The following ADGRD1 variants were observed in gnomAD, a reference collection of about 807,000 sequenced individuals.
ADGRD1 encodes adhesion G protein-coupled receptor D1.
In ADGRD1, 77 loss-of-function variants were observed where a neutral mutation model predicts 113.4. That is an observed-to-expected ratio of 0.68 (90% CI 0.57 to 0.82). The LOEUF is 0.82. Among genes scored for constraint, ADGRD1 ranks in the 40% least tolerant of loss-of-function variants. The probability of loss-of-function intolerance (pLI) is 0.00; values close to 1 mark genes in which losing one functional copy is unlikely to be tolerated. For missense variants in ADGRD1, 1,036 were observed against 1,139.1 expected (o/e 0.91, Z 1.30); for synonymous variants, 474 against 475.0 (o/e 1.00, Z 0.03).
At chr12:131,071,706 A>T (rs970116784) in intron 13 of ADGRD1, among the ~76,000 whole-genome samples, 1 of 152,136 alleles carries the variant, frequency 6.6e-6, no homozygotes, top group Non-Finnish European at 1.5e-5. Flanking sequence ...GGAAGGAGAG[A>T]GTGGAGACCC....
rs1026820467 is a variant in ADGRD1, at chr12:131,075,131, C to T, written c.1474-1670C>T. Among the ~76,000 whole-genome samples the T allele has an allele frequency of 3.3e-5, 5 of 152,092 alleles. No individual in the cohort carries two copies. The highest frequency in any genetic ancestry group is 5.9e-5 in the Non-Finnish European group (4 of 68,032). On this transcript the variant is annotated intron_variant, in intron 13 of 24. Transcript: ENST00000261654. This position sits in a 1 kb window ranked among gnomAD's most constrained non-coding sequence, Gnocchi z 5.3. ...CTGGCTGCTGGCTTCCCCAGGTCAC[C>T]GACTTATTTTTTAAATTTCCTTTAA...
intron 20 of ADGRD1, among the ~76,000 whole-genome samples, chr12:131,127,622 C>G (rs113669150): frequency 7.9e-6 from 1 of 126,234 alleles, no homozygotes; most frequent in Non-Finnish European, 1.7e-5. Flanking sequence ...GTGATGGGAC[C>G]CTGAGCTCAG....
Position 131,104,600 on chromosome 12 carries a change from GTTCTGTAGGGCACC to G in ADGRD1, c.1672-229_1672-216del, listed in dbSNP as rs1328027882. ...AGACTGTGGCTGAGGGAGCCTCAGT[GTTCTGTAGGGCACC>G]TCGGGGCACCGGACATGCACGCACA... On this transcript the variant is annotated intron_variant, in intron 15 of 24. Transcript: ENST00000261654. 1.1e-4 allele frequency among the ~76,000 whole-genome samples: 16 copies of G among 152,200 alleles called. No individual in the cohort carries two copies. In the East Asian group the frequency reaches 2.9e-3, roughly 28 times the overall value.
chr12:131,111,192 A>G (rs895153313), intron 18 of ADGRD1, among the ~76,000 whole-genome samples: 2 of 152,036 alleles, frequency 1.3e-5, no homozygotes, highest in Non-Finnish European at 2.9e-5. Flanking sequence ...TCCCAGCCTC[A>G]AGTGATGCTT....
At chr12:130,967,715 G>A (rs1171671699) in intron 3 of ADGRD1, 1 of 152,180 alleles carries the variant, frequency 6.6e-6, no homozygotes, top group Admixed American at 6.5e-5. Context: ...TGTTGCTGGT[G>A]TTCTCAGACT....
chr12:131,009,700 G>A (rs550398284), intron 12 of ADGRD1, among the ~76,000 whole-genome samples: 95 of 152,248 alleles, frequency 6.2e-4, no homozygotes, highest in African/African-American at 2.1e-3. Context: ...GTGTATGTGC[G>A]TTATGTGTGC....
chr12:131,068,757 C>CATTTGG (rs1489320115), intron 13 of ADGRD1, among the ~76,000 whole-genome samples: 5 of 152,086 alleles, frequency 3.3e-5, no homozygotes, highest in Non-Finnish European at 5.9e-5. Context: ...TGATGGAAAC[C>CATTTGG]ATTTGGCCAA....
chr12:131,075,367 T>G lies in ADGRD1; in HGVS notation c.1474-1434T>G, dbSNP rs35772864. Among the ~76,000 whole-genome samples the G allele has an allele frequency of 0.16, 24,154 of 151,872 alleles. 2,862 individuals carry two copies. The highest frequency in any genetic ancestry group is 0.33 in the African/African-American group (13,704 of 41,344). On this transcript the variant is annotated intron_variant, in intron 13 of 24. Coordinates refer to ENST00000261654, the MANE Select transcript of ADGRD1 (RefSeq NM_198827.5). This position sits in a 1 kb window ranked among gnomAD's most constrained non-coding sequence, Gnocchi z 5.3. ...TCCTGCTGATGCCCCTCTGTGGTCC[T>G]GGTGGCTGCAGGACACAGGGCCCTC...
chr12:130,969,013 G>A (rs529352350), intron 3 of ADGRD1: 114 of 1,535,202 alleles, frequency 7.4e-5, no homozygotes, highest in Middle Eastern at 3.3e-4. Flanking sequence ...CTTCCTTCCC[G>A]TAATGCTACT....
At chr12:130,973,630 T>C (rs895565274) in intron 4 of ADGRD1, among the ~76,000 whole-genome samples, 4 of 152,198 alleles carry the variant, frequency 2.6e-5, no homozygotes, top group African/African-American at 9.6e-5. Flanking sequence ...ATCCCAAACA[T>C]GTATTCACTC....
intron 20 of ADGRD1, among the ~76,000 whole-genome samples, chr12:131,123,732 A>T (rs751416999): frequency 7.9e-5 from 12 of 151,974 alleles, no homozygotes; most frequent in Middle Eastern, 6.8e-3. Flanking sequence ...TGAGGCAGGA[A>T]AATGGCGTGA....
intron 6 of ADGRD1, chr12:130,990,497 C>A: frequency 6.5e-6 from 1 of 152,976 alleles, no homozygotes; most frequent in Non-Finnish European, 1.5e-5. Flanking sequence ...CCCATGGGGG[C>A]TGAGTGCAAA....
chr12:130,997,650 G>A (rs528900492), intron 8 of ADGRD1, among the ~76,000 whole-genome samples: 247 of 152,086 alleles, frequency 1.6e-3, no homozygotes, highest in African/African-American at 5.6e-3. Context: ...TGGGATGGCG[G>A]CCGGGAAGAG....
chr12:131,089,542 T>C (rs1033621649), intron 15 of ADGRD1, among the ~76,000 whole-genome samples: 4 of 152,110 alleles, frequency 2.6e-5, no homozygotes, highest in Non-Finnish European at 4.4e-5. Context: ...GGATACCCCC[T>C]GCCTGCAAGT....
intron 13 of ADGRD1, among the ~76,000 whole-genome samples, chr12:131,029,266 G>A (rs1175175016): frequency 6.6e-6 from 1 of 152,208 alleles, no homozygotes; most frequent in Non-Finnish European, 1.5e-5. Context: ...CAGTGCGGAT[G>A]AACACTTGAA....
intron 13 of ADGRD1, among the ~76,000 whole-genome samples, chr12:131,020,018 A>G (rs112321790): frequency 9.7e-5 from 10 of 102,856 alleles, no homozygotes; most frequent in East Asian, 3.3e-4. Context: ...CCTGAGCTCC[A>G]TCCAGGGCAG....
intron 7 of ADGRD1, 112 bp from the exon 8 acceptor site, chr12:130,992,125 A>G: frequency 1.3e-6 from 1 of 773,372 alleles, no homozygotes; most frequent in South Asian, 2.1e-5. Context: ...AGTCTCAAAA[A>G]AAAAAAAAAA....
intron 20 of ADGRD1, among the ~76,000 whole-genome samples, chr12:131,128,442 C>A (rs73149922): frequency 0.082 from 12,528 of 152,232 alleles, 507 homozygotes; most frequent in Middle Eastern, 0.13. Context: ...AGTTTCTATT[C>A]CACCTGACCC....
intron 13 of ADGRD1, among the ~76,000 whole-genome samples, chr12:131,072,322 G>A (rs1885250281): frequency 6.6e-6 from 1 of 152,174 alleles, no homozygotes; most frequent in Non-Finnish European, 1.5e-5. Context: ...CCTTGACGAT[G>A]AACAGACAGC....
Sources: allele counts gnomAD v4.1 joint callset (sites outside exome capture counted in the v4.1 genomes callset), GRCh38; gene constraint gnomAD v4.1.1; non-coding constraint Gnocchi (gnomAD v3.1); transcripts MANE v1.5; gene names NCBI Gene and HGNC (gene_info 2026-07-23, HGNC 2026-07-21).